The following PEX5L variants were observed in gnomAD, a reference collection of about 807,000 sequenced individuals.
The protein encoded by PEX5L is peroxisomal biogenesis factor 5 like.
PEX5L carries 30 observed loss-of-function variants against 84.0 expected under a neutral mutation model. The ratio of observed to expected loss-of-function variants is 0.36; its 90% confidence interval spans 0.27 to 0.48. The LOEUF is 0.48. PEX5L is among the 20% of genes least tolerant of loss of function. The probability of loss-of-function intolerance (pLI) is 0.99; values close to 1 mark genes in which losing one functional copy is unlikely to be tolerated. For synonymous variants in PEX5L, 270 were observed against 283.1 expected (o/e 0.95, Z 0.46); for missense variants, 533 against 754.6 (o/e 0.71, Z 3.44).
At chr3:179,951,678 A>G (rs35362105) in intron 2 of PEX5L, among the ~76,000 whole-genome samples, 20,313 of 152,078 alleles carry the variant, frequency 0.13, 1,717 homozygotes, top group Non-Finnish European at 0.19. Flanking sequence ...CCAACCCCAC[A>G]TGATATAATA....
At chr3:180,017,823 T>C (rs1178278730) in intron 1 of PEX5L, among the ~76,000 whole-genome samples, 2 of 152,274 alleles carry the variant, frequency 1.3e-5, no homozygotes, top group Admixed American at 6.5e-5. Flanking sequence ...TTTACTTCTA[T>C]AAACATGACT....
chr3:180,002,451 T>C (rs1177654974), intron 1 of PEX5L, among the ~76,000 whole-genome samples: 1 of 152,122 alleles, frequency 6.6e-6, no homozygotes, highest in Non-Finnish European at 1.5e-5. Context: ...TTCATTGCAT[T>C]TCCCTAACTA....
rs149594276 is a variant in PEX5L at position 179,807,676 on chromosome 3, G to A, written c.1674C>T (p.Tyr558=). The A allele has an allele frequency of 1.9e-6, 3 of 1,613,884 alleles. No individual in the cohort carries two copies. Among genetic ancestry groups the A allele is most frequent in the Non-Finnish European group, 2.5e-6 (3 of 1,179,846 alleles). ...CTTGGCCTGTTGCTGTACTTCACCT[G>A]TAGGCGCCCAGGTTGATGCAGCTTA... ...LGISCINLGA[Y]REAVSNFLTA... The change falls in exon 14 of 15, where the codon TAC becomes TAT. Residue 558 remains tyrosine, a splice_region_variant and synonymous_variant. Transcript: ENST00000467460.
chr3:179,906,269 T>A (rs550948724), intron 2 of PEX5L, among the ~76,000 whole-genome samples: 14 of 152,360 alleles, frequency 9.2e-5, no homozygotes, highest in African/African-American at 3.1e-4. Flanking sequence ...CAAGCAATCT[T>A]ACCACAATGG....
intron 11 of PEX5L, 124 bp from the exon 12 acceptor site, chr3:179,809,792 C>G (rs553748837): frequency 1.3e-5 from 9 of 674,328 alleles, no homozygotes; most frequent in African/African-American, 1.3e-4. Flanking sequence ...TTGCTTATGT[C>G]AAGTTCCTGG....
chr3:179,945,574 G>A (rs1777290008), intron 2 of PEX5L, among the ~76,000 whole-genome samples: 1 of 152,210 alleles, frequency 6.6e-6, no homozygotes, highest in East Asian at 1.9e-4. Flanking sequence ...CAGTCTCCAT[G>A]GGAGGTTTTG....
At chr3:179,869,313 A>G (rs1749468285) in intron 7 of PEX5L, among the ~76,000 whole-genome samples, 1 of 152,120 alleles carries the variant, frequency 6.6e-6, no homozygotes, top group African/African-American at 2.4e-5. Flanking sequence ...ATTTGTGGAG[A>G]AGGGTAATTT....
intron 2 of PEX5L, among the ~76,000 whole-genome samples, chr3:179,954,184 C>T (rs1038451959): frequency 4.0e-5 from 5 of 123,736 alleles, no homozygotes; most frequent in African/African-American, 1.6e-4. Context: ...CAAGAACAAG[C>T]CCAGAAATTA....
chr3:179,992,884 G>GTGTTTA (rs142873481), intron 1 of PEX5L, among the ~76,000 whole-genome samples: 1 of 151,772 alleles, frequency 6.6e-6, no homozygotes, highest in African/African-American at 2.4e-5. Flanking sequence ...GTATGTATGT[G>GTGTTTA]TCTATGTATG....
chr3:179,945,656 G>A (rs748812001), intron 2 of PEX5L, among the ~76,000 whole-genome samples: 1 of 152,174 alleles, frequency 6.6e-6, no homozygotes, highest in South Asian at 2.1e-4. Context: ...ACATTTAACA[G>A]AATTGTACCT....
chr3:179,900,056 C>T (rs904326030), intron 2 of PEX5L, among the ~76,000 whole-genome samples: 2 of 152,098 alleles, frequency 1.3e-5, no homozygotes, highest in African/African-American at 4.8e-5. Context: ...TTTATTATGG[C>T]ACTATAACTT....
chr3:179,847,290 A>G (rs1739890130), intron 8 of PEX5L, among the ~76,000 whole-genome samples: 1 of 152,076 alleles, frequency 6.6e-6, no homozygotes, highest in African/African-American at 2.4e-5. Flanking sequence ...AGATATCTGT[A>G]TATTGATTGA....
intron 8 of PEX5L, among the ~76,000 whole-genome samples, chr3:179,833,753 C>A (rs1733964263): frequency 6.6e-6 from 1 of 152,222 alleles, no homozygotes; most frequent in South Asian, 2.1e-4. Context: ...AGGTGCCTGA[C>A]TACCTAGTCT....
chr3:179,981,041 T>A (rs1256837361), intron 1 of PEX5L, among the ~76,000 whole-genome samples: 1 of 143,520 alleles, frequency 7.0e-6, no homozygotes, highest in East Asian at 2.2e-4. Context: ...AAAAAAAAAA[T>A]TAAAACAGCA....
chr3:179,962,297 A>T (rs1782274802), intron 2 of PEX5L, among the ~76,000 whole-genome samples: 1 of 152,236 alleles, frequency 6.6e-6, no homozygotes, highest in Admixed American at 6.5e-5. Context: ...AAAGGCAGTT[A>T]CAGGAGTGGC....
chr3:179,888,840 C>A (rs1756728607), intron 3 of PEX5L, among the ~76,000 whole-genome samples: 1 of 152,064 alleles, frequency 6.6e-6, no homozygotes, highest in Non-Finnish European at 1.5e-5. Context: ...TCATAACTCA[C>A]CGCATCCTCG....
At chr3:179,963,587 C>A (rs760693948) in intron 2 of PEX5L, among the ~76,000 whole-genome samples, 10 of 151,926 alleles carry the variant, frequency 6.6e-5, no homozygotes, top group Non-Finnish European at 1.2e-4. Context: ...TAAACTGGAC[C>A]CCATGGGTTG....
rs3836472 is a variant in PEX5L, at chr3:179,874,738, G to GTTTTTTTTTTTTTTTTTTT, written c.630-334_630-316dup. Among the ~76,000 whole-genome samples, 9 of 45,980 alleles carry GTTTTTTTTTTTTTTTTTTT rather than the reference G, an allele frequency of 2.0e-4. 1 individual carries two copies. The East Asian group carries it at 4.7e-3, about 24-fold the overall frequency. The allele number at this position is 45,980 out of a possible 152,430, so 30.2% of individuals were successfully genotyped here. On this transcript the variant is annotated intron_variant, in intron 6 of 14. Coordinates refer to ENST00000467460, the MANE Select transcript of PEX5L (RefSeq NM_016559.3). ...TAAAAAAATTATGGTTTTTTTTTTT[G>GTTTTTTTTTTTTTTTTTTT]TTTTTTTTTTTTTTTTTTTTTTTTG...
At chr3:179,814,735 C>G (rs893034721) in intron 10 of PEX5L, among the ~76,000 whole-genome samples, 1 of 152,144 alleles carries the variant, frequency 6.6e-6, no homozygotes, top group African/African-American at 2.4e-5. Flanking sequence ...CTCTTCTCAT[C>G]TCGGAGAAAG....
Sources: allele counts gnomAD v4.1 joint callset (sites outside exome capture counted in the v4.1 genomes callset), GRCh38; gene constraint gnomAD v4.1.1; transcripts MANE v1.5; gene names NCBI Gene and HGNC (gene_info 2026-07-23, HGNC 2026-07-21).